EIF2AK4: variants seen among roughly 807,000 people sequenced by gnomAD.
The protein encoded by EIF2AK4 is eukaryotic translation initiation factor 2 alpha kinase 4.
EIF2AK4 carries 139 observed loss-of-function variants against 211.1 expected under a neutral mutation model. The ratio of observed to expected loss-of-function variants is 0.66; its 90% CI spans 0.57 to 0.76. The LOEUF is 0.76. Among genes scored for constraint, EIF2AK4 ranks in the 30% least tolerant of loss-of-function variants. The probability of loss-of-function intolerance (pLI) is 0.00; values close to 1 mark genes in which losing one functional copy is unlikely to be tolerated. For synonymous variants in EIF2AK4, 710 were observed against 751.3 expected (o/e 0.94, Z 0.90); for missense variants, 1,664 against 2,043.8 (o/e 0.81, Z 3.58).
chr15:40,032,310 A>T, intron 36 of EIF2AK4, 73 bp downstream of exon 36: 1 of 1,381,552 alleles, frequency 7.2e-7, no homozygotes, highest in African/African-American at 1.4e-5. Flanking sequence ...CAGGGTTCAG[A>T]GCTTTTTTGC....
At chr15:39,959,934 C>T (rs1390303839) in intron 6 of EIF2AK4, among the ~76,000 whole-genome samples, 3 of 151,968 alleles carry the variant, frequency 2.0e-5, no homozygotes, top group Admixed American at 6.6e-5. Flanking sequence ...GAGGCCAAGG[C>T]GGGCAGATCA....
intron 27 of EIF2AK4, among the ~76,000 whole-genome samples, chr15:40,011,569 T>C (rs2035235786): frequency 6.6e-6 from 1 of 152,226 alleles, no homozygotes; most frequent in East Asian, 1.9e-4. Flanking sequence ...TTCTTCTTGA[T>C]ACGCTGTAAT....
chr15:39,965,231 C>A (rs923386103), intron 7 of EIF2AK4, among the ~76,000 whole-genome samples: 2 of 152,178 alleles, frequency 1.3e-5, no homozygotes, highest in Admixed American at 6.5e-5. Flanking sequence ...AAGCGATTCT[C>A]CTGCCTCAGC....
chr15:40,001,688 C>T lies in EIF2AK4; in HGVS notation c.3159+464C>T, dbSNP rs142924464. On this transcript the variant is annotated intron_variant, in intron 21 of 38. Coordinates refer to ENST00000263791, the MANE Select transcript of EIF2AK4 (RefSeq NM_001013703.4). ...TTTAGAGACTGATCCCTAGCCCAAA[C>T]GCCCAGAGCCATAAGCATCAACCAG... Among the ~76,000 whole-genome samples, 729 of 149,306 alleles carry T rather than the reference C, an allele frequency of 4.9e-3. 20 individuals carry two copies. The highest frequency in any genetic ancestry group is 0.042 in the Admixed American group (630 of 14,980).
rs11543185 is a variant in EIF2AK4, at chr15:39,949,175, C to T, written c.420C>T (p.Pro140=). The T allele has an allele frequency of 6.4e-5, 104 of 1,614,034 alleles. 1 individual carries two copies. In the Middle Eastern group the frequency reaches 3.1e-3, roughly 49 times the overall value. Residue 140 remains proline (P), a synonymous_variant, in exon 4 of 39, where the codon CCC becomes CCT. Coordinates refer to ENST00000263791, the MANE Select transcript of EIF2AK4 (RefSeq NM_001013703.4). ...VQSFLSEHNK[P]PPKSFHEEML... ...CATTTCTCAGCGAGCATAACAAGCC[C>T]CCTCCCAAGTCTTTTCATGAAGAAA...
At chr15:39,979,102 C>T (rs11631801) in intron 13 of EIF2AK4, among the ~76,000 whole-genome samples, 43,620 of 152,104 alleles carry the variant, frequency 0.29, 6,331 homozygotes, top group African/African-American at 0.3. Context: ...AACACACAGA[C>T]ACCTTATACA....
chr15:39,951,459 G>C (rs72729462), intron 4 of EIF2AK4: 25,884 of 396,472 alleles, frequency 0.065, 1,571 homozygotes, highest in Admixed American at 0.21. Flanking sequence ...CATACAGGTT[G>C]GTGTTTTCAA....
chr15:40,030,129 C>G (rs2035519489), intron 34 of EIF2AK4, among the ~76,000 whole-genome samples: 1 of 152,156 alleles, frequency 6.6e-6, no homozygotes, highest in African/African-American at 2.4e-5. Flanking sequence ...TCCACCACCC[C>G]CCAACCCCTG....
In EIF2AK4 at chr15:39,939,558, T is replaced by C; in HGVS notation, c.198T>C (p.Gly66=). Residue 66 remains glycine (G), a synonymous_variant, in exon 2 of 39, where the codon GGT becomes GGC. Coordinates refer to ENST00000263791, the MANE Select transcript of EIF2AK4 (RefSeq NM_001013703.4). ...NLVLYPQGLT[G]EEVYVKVDLR... ...TTTTGTACCCTCAAGGCCTAACTGGTGAAGAAGTATATGTAAAAGTGGATT... is the reference window on the plus strand; with the variant it reads ...TTTTGTACCCTCAAGGCCTAACTGGCGAAGAAGTATATGTAAAAGTGGATT... 1 of 1,613,194 alleles carries C rather than the reference T, an allele frequency of 6.2e-7. No homozygotes were observed. Among genetic ancestry groups the C allele is most frequent in the Non-Finnish European group, 8.5e-7 (1 of 1,179,450 alleles).
chr15:39,962,207 T>C (rs1487700838), intron 7 of EIF2AK4, among the ~76,000 whole-genome samples: 1 of 152,188 alleles, frequency 6.6e-6, no homozygotes, highest in Non-Finnish European at 1.5e-5. Flanking sequence ...TGCAGTGAGC[T>C]GTGATCATGC....
chr15:39,962,850 T>C (rs904978576), intron 7 of EIF2AK4, among the ~76,000 whole-genome samples: 2 of 152,250 alleles, frequency 1.3e-5, no homozygotes, highest in African/African-American at 4.8e-5. Context: ...ATGTCATCTT[T>C]ACCCAGCCTT....
intron 37 of EIF2AK4, among the ~76,000 whole-genome samples, chr15:40,034,014 C>A (rs1330183799): frequency 6.7e-6 from 1 of 149,168 alleles, no homozygotes; most frequent in Admixed American, 6.7e-5. Flanking sequence ...GGCAACAAGA[C>A]CGAAACTCCA....
rs180790259 is a variant in EIF2AK4 at position 39,943,727 on chromosome 15, G to T, written c.360+242G>T. Among the ~76,000 whole-genome samples the T allele has an allele frequency of 3.5e-3, 532 of 152,176 alleles. 3 individuals carry two copies. In the Middle Eastern group the frequency reaches 0.048, roughly 14 times the overall value. ...ACTTGTAATTCCAGCACTTGGGGAG[G>T]CTGAGGTGGGAGGATCACTTGAGCC... On this transcript the variant is annotated intron_variant, in intron 3 of 38. Coordinates refer to ENST00000263791, the MANE Select transcript of EIF2AK4 (RefSeq NM_001013703.4).
chr15:40,007,718 G>A (rs1461197987), intron 24 of EIF2AK4, among the ~76,000 whole-genome samples: 1 of 152,094 alleles, frequency 6.6e-6, no homozygotes, highest in Non-Finnish European at 1.5e-5. Flanking sequence ...ATTAATAATC[G>A]TAGTCCTATG....
chr15:39,972,203 A>G (rs998690527), intron 9 of EIF2AK4, among the ~76,000 whole-genome samples: 1 of 152,076 alleles, frequency 6.6e-6, no homozygotes, highest in Non-Finnish European at 1.5e-5. Context: ...TACAAAAAAT[A>G]TAAAAATTAG....
At chr15:40,002,607 A>G in intron 21 of EIF2AK4, 106 bp from the exon 22 acceptor site, 2 of 1,185,620 alleles carry the variant, frequency 1.7e-6, no homozygotes, top group Non-Finnish European at 2.5e-6. Flanking sequence ...TGTTTTTTGA[A>G]CCTGGAAATA....
intron 1 of EIF2AK4, among the ~76,000 whole-genome samples, chr15:39,937,532 T>C (rs2034083000): frequency 6.6e-6 from 1 of 152,020 alleles, no homozygotes; most frequent in Non-Finnish European, 1.5e-5. Context: ...TATGCATTTA[T>C]TTACGTAATT....
At chr15:39,973,037 T>C (rs764544816) in intron 10 of EIF2AK4, 23 bp downstream of exon 10, 2 of 1,579,082 alleles carry the variant, frequency 1.3e-6, no homozygotes, top group Non-Finnish European at 1.7e-6. Flanking sequence ...CCTTTCTTTA[T>C]TTGGTAACCT....
At position 39,949,046 on chromosome 15, in the gene EIF2AK4, C is replaced by G. The variant is rs930113653; in HGVS notation, c.361-70C>G. The G allele has an allele frequency of 7.6e-6, 12 of 1,579,048 alleles. No homozygotes were observed. In the African/African-American group the frequency reaches 1.6e-4, roughly 21 times the overall value. ...CTGACCGCCAGTTTGCTTTCCTGTT[C>G]TGTAGCCTCTCCTGTTTGGGCCTTC... On this transcript the variant is annotated intron_variant, in intron 3 of 38. Coordinates refer to ENST00000263791, the MANE Select transcript of EIF2AK4 (RefSeq NM_001013703.4).
Sources: gnomAD v4.1 joint callset for allele counts (sites outside exome capture counted in the v4.1 genomes callset) on GRCh38, gnomAD v4.1.1 for gene constraint, MANE v1.5 for transcripts, NCBI Gene and HGNC (gene_info 2026-07-23, HGNC 2026-07-21) for gene names.